The following TMEFF2 variants were observed in gnomAD, a reference collection of about 807,000 sequenced individuals.
TMEFF2 encodes the protein tomoregulin-2.
In TMEFF2, 28 loss-of-function variants were observed where a neutral mutation model predicts 53.8. That is an observed-to-expected ratio of 0.52 (90% confidence interval 0.39 to 0.71). The LOEUF (loss-of-function observed/expected upper bound fraction) is 0.71. Ranked by LOEUF, TMEFF2 falls within the 30% of genes least tolerant of loss-of-function variation. TMEFF2 has a pLI of 0.00. For missense variants in TMEFF2, 353 were observed against 455.2 expected (o/e 0.78, Z 2.04); for synonymous variants, 162 against 166.3 (o/e 0.97, Z 0.20).
chr2:192,136,042 G>A (rs1574406084), intron 4 of TMEFF2, among the ~76,000 whole-genome samples: 2 of 152,206 alleles, frequency 1.3e-5, no homozygotes, highest in East Asian at 3.9e-4. Context: ...CCTGCACCCA[G>A]GTGAAATAAA....
chr2:192,172,816 C>T (rs1388059843), intron 4 of TMEFF2, among the ~76,000 whole-genome samples: 2 of 151,764 alleles, frequency 1.3e-5, no homozygotes, highest in Non-Finnish European at 2.9e-5. Context: ...TTTATATAAA[C>T]CATAGAAGAT....
intron 4 of TMEFF2, among the ~76,000 whole-genome samples, chr2:192,150,985 T>C (rs1137722): frequency 0.31 from 46,412 of 151,678 alleles, 8,814 homozygotes; most frequent in Non-Finnish European, 0.44. Context: ...ATAATCCCCA[T>C]GTGTCGAGGG....
In TMEFF2 at chr2:191,999,206, C is replaced by T. The variant is rs1290332113; in HGVS notation, c.539G>A (p.Cys180Tyr). 6.3e-7 allele frequency: 1 copy of T among 1,582,970 alleles called. No homozygotes were observed. The highest frequency in any genetic ancestry group is 8.6e-7 in the Non-Finnish European group (1 of 1,160,732). ...TTGAGAACAGTCAATATTACACACA[C>T]ACCTAAAAAAAGAGAGAAATAAAAA... ...ECDEDAEDVWCVCNIDCSQTN... is the reference protein window; with the variant it reads ...ECDEDAEDVWYVCNIDCSQTN... The change falls in exon 6 of 10, where the codon TGT becomes TAT. Residue 180 changes from cysteine to tyrosine, a missense_variant and splice_region_variant. Physicochemically the swap from Cys to Tyr is radical, Grantham distance 194. Around this residue, in one of 3 missense-constraint regions of TMEFF2, gnomAD observed 294 missense variants for 397.3 expected, o/e 0.74. Transcript: ENST00000272771.
intron 5 of TMEFF2, among the ~76,000 whole-genome samples, chr2:192,000,808 G>C (rs1686339110): frequency 6.6e-6 from 1 of 152,144 alleles, no homozygotes; most frequent in South Asian, 2.1e-4. Flanking sequence ...GGAATGCCTG[G>C]TTATTTTTAC....
intron 4 of TMEFF2, among the ~76,000 whole-genome samples, chr2:192,143,371 C>T (rs948588649): frequency 5.3e-5 from 8 of 152,056 alleles, no homozygotes; most frequent in East Asian, 1.9e-4. Flanking sequence ...CTGGTGTATG[C>T]GGGCTATTGC....
In TMEFF2 at chr2:192,075,332, T is replaced by TATATATAC. The variant is rs796267672; in HGVS notation, c.440-17558_440-17557insGTATATAT. The stretch of plus-strand genomic sequence containing the variant: ...ATATATATATATATATATATATATA[T>TATATATAC]ACATACATACTATGTATATCCTTGC... On this transcript the variant is annotated intron_variant, in intron 4 of 9. Coordinates refer to ENST00000272771, the MANE Select transcript of TMEFF2 (RefSeq NM_016192.4). 3.1e-3 allele frequency among the ~76,000 whole-genome samples: 276 copies of TATATATAC among 88,108 alleles called. 24 individuals are homozygous for TATATATAC. The highest frequency in any genetic ancestry group is 0.011 in the Middle Eastern group (2 of 190). 57.8% of individuals were successfully genotyped at this position (88,108 alleles called of 152,430 possible). A position where few individuals can be genotyped will look rare whatever the true frequency, so the allele number is the denominator to read the frequency against.
chr2:191,972,928 C>G (rs1692691136), intron 7 of TMEFF2, among the ~76,000 whole-genome samples: 2 of 152,032 alleles, frequency 1.3e-5, no homozygotes, highest in African/African-American at 4.8e-5. Flanking sequence ...ATCCGTAGTT[C>G]AGTGGAAAAT....
At chr2:192,081,249 G>A (rs1375026787) in intron 4 of TMEFF2, among the ~76,000 whole-genome samples, 1 of 152,174 alleles carries the variant, frequency 6.6e-6, no homozygotes, top group African/African-American at 2.4e-5. Flanking sequence ...ATTTAGTCTT[G>A]AAGATTTCTC....
At chr2:192,100,018 G>A (rs1189408762) in intron 4 of TMEFF2, among the ~76,000 whole-genome samples, 2 of 152,012 alleles carry the variant, frequency 1.3e-5, no homozygotes, top group Non-Finnish European at 2.9e-5. Context: ...TTACAGTCCT[G>A]TTCACACTTT....
chr2:192,089,121 A>C (rs1193385120), intron 4 of TMEFF2, among the ~76,000 whole-genome samples: 2 of 152,148 alleles, frequency 1.3e-5, no homozygotes, highest in Non-Finnish European at 2.9e-5. Flanking sequence ...GCTCCAATTC[A>C]GCTAATTGCT....
intron 5 of TMEFF2, among the ~76,000 whole-genome samples, chr2:192,007,392 G>T (rs1180623500): frequency 6.6e-6 from 1 of 152,160 alleles, no homozygotes; most frequent in Non-Finnish European, 1.5e-5. Flanking sequence ...ACTTCCTTAA[G>T]ACTCTTTTGT....
chr2:192,176,741 T>C (rs1316590049), intron 4 of TMEFF2: 1 of 151,244 alleles, frequency 6.6e-6, no homozygotes, highest in Non-Finnish European at 1.5e-5. Context: ...ATGACAGACA[T>C]ACCCTTGTGC....
intron 7 of TMEFF2, among the ~76,000 whole-genome samples, chr2:191,956,639 G>A (rs1013085110): frequency 6.6e-6 from 1 of 152,098 alleles, no homozygotes; most frequent in Non-Finnish European, 1.5e-5. Flanking sequence ...GGTGTTTCTA[G>A]GACTTGTCAG....
chr2:192,181,557 G>T (rs1691185565), intron 3 of TMEFF2, among the ~76,000 whole-genome samples: 1 of 151,650 alleles, frequency 6.6e-6, no homozygotes, highest in Non-Finnish European at 1.5e-5. Flanking sequence ...TATTCAATGG[G>T]TACAGTAATA....
rs1184729928 is a variant in TMEFF2, at chr2:191,986,990, G to A, written c.745+11272C>T. 2.0e-5 allele frequency among the ~76,000 whole-genome samples: 3 copies of A among 152,024 alleles called. No individual in the cohort carries two copies. In the East Asian group the frequency reaches 5.8e-4, roughly 29 times the overall value. Reference sequence around the variant, plus strand: ...AAGAATGATTAGGCAGGCCAACTCTGGACTCCACAATACCTCCTAACTTCT... The same window carrying A: ...AAGAATGATTAGGCAGGCCAACTCTAGACTCCACAATACCTCCTAACTTCT... On this transcript the variant is annotated intron_variant, in intron 7 of 9. Transcript: ENST00000272771.
intron 7 of TMEFF2, among the ~76,000 whole-genome samples, chr2:191,985,009 A>G (rs1364217312): frequency 6.6e-6 from 1 of 152,142 alleles, no homozygotes; most frequent in African/African-American, 2.4e-5. Flanking sequence ...GAATTTTGTT[A>G]AGATTAGATC....
At chr2:192,049,917 TGTGA>T (rs1687725872) in intron 5 of TMEFF2, among the ~76,000 whole-genome samples, 1 of 152,058 alleles carries the variant, frequency 6.6e-6, no homozygotes, top group African/African-American at 2.4e-5. Context: ...AGGGGAATGG[TGTGA>T]ACCTGGAAGG....
chr2:192,003,153 A>G (rs1686409764), intron 5 of TMEFF2, among the ~76,000 whole-genome samples: 1 of 152,210 alleles, frequency 6.6e-6, no homozygotes, highest in African/African-American at 2.4e-5. Context: ...GGATAGCTAA[A>G]TGAAATGAAT....
At chr2:192,177,208 C>T (rs1026170689) in intron 4 of TMEFF2, 6 of 150,972 alleles carry the variant, frequency 4.0e-5, no homozygotes, top group African/African-American at 1.5e-4. Flanking sequence ...CTGATTCTGC[C>T]CTCTCAAAAC....
Sources: allele counts gnomAD v4.1 joint callset (sites outside exome capture counted in the v4.1 genomes callset), GRCh38; gene constraint gnomAD v4.1.1; regional missense constraint gnomAD v4.1.1; transcripts MANE v1.5; gene names NCBI Gene and HGNC (gene_info 2026-07-23, HGNC 2026-07-21).